The following CFAP54 variants were observed in gnomAD, a reference collection of about 807,000 sequenced individuals.
CFAP54 encodes the protein cilia and flagella associated protein 54.
Under a neutral mutation model 370.4 loss-of-function variants are expected in CFAP54, and 290 were observed. The ratio of observed to expected loss-of-function variants is 0.78; its 90% CI spans 0.71 to 0.86. The LOEUF is 0.86. Among genes scored for constraint, CFAP54 ranks in the 40% least tolerant of loss-of-function variants. The pLI is 0.00. For missense variants in CFAP54, 3,399 were observed against 3,528.7 expected, an observed-to-expected ratio of 0.96 and a Z score of 0.93; for synonymous variants, 1,206 against 1,236.5, an observed-to-expected ratio of 0.98 and a Z score of 0.52.
At chr12:96,723,218 A>C (rs1218123671) in intron 50 of CFAP54, among the ~76,000 whole-genome samples, 1 of 152,212 alleles carries the variant, frequency 6.6e-6, no homozygotes, top group African/African-American at 2.4e-5. Flanking sequence ...TTAAAAGTAC[A>C]GTATAACAAC....
intron 50 of CFAP54, among the ~76,000 whole-genome samples, chr12:96,729,952 AAG>A (rs1454438267): frequency 2.0e-5 from 3 of 152,130 alleles, no homozygotes; most frequent in Non-Finnish European, 4.4e-5. Flanking sequence ...GATAATGAAA[AAG>A]ACCCAGTACA....
intron 12 of CFAP54, among the ~76,000 whole-genome samples, chr12:96,536,965 G>GTTCAA (rs201895153): frequency 0.018 from 2,675 of 144,652 alleles, 65 homozygotes; most frequent in African/African-American, 0.063. Context: ...ATATGTCTTA[G>GTTCAA]TTCAATTCAA....
At chr12:96,805,709 C>G (rs1265679544) in intron 63 of CFAP54, among the ~76,000 whole-genome samples, 2 of 151,982 alleles carry the variant, frequency 1.3e-5, no homozygotes, top group Non-Finnish European at 2.9e-5. Flanking sequence ...AAAATTGAAC[C>G]ACCATTGGAT....
chr12:96,662,581 A>T lies in CFAP54; in HGVS notation c.5461-1249A>T, dbSNP rs151076081. On this transcript the variant is annotated intron_variant, in intron 38 of 67. Transcript: ENST00000524981. ...AGGTTCTGTCACACCTCTGTTTAAA[A>T]CCCTATGGTGGCTTCCCACCCTATT... is the stretch of plus-strand genomic sequence containing the variant. 2.6e-5 allele frequency among the ~76,000 whole-genome samples: 4 copies of T among 152,176 alleles called. No individual in the cohort carries two copies. The East Asian group carries it at 7.7e-4, about 29-fold the overall frequency.
chr12:96,570,523 A>G (rs1271213860), intron 19 of CFAP54, among the ~76,000 whole-genome samples: 1 of 152,124 alleles, frequency 6.6e-6, no homozygotes, highest in Non-Finnish European at 1.5e-5. Context: ...AACTTAGTTT[A>G]TTAAGACAAG....
chr12:96,817,844 T>C lies in CFAP54; in HGVS notation c.9027T>C (p.Pro3009=). The C allele has an allele frequency of 6.6e-7, 1 of 1,516,856 alleles. No homozygotes were observed. Among genetic ancestry groups the C allele is most frequent in the Non-Finnish European group, 8.8e-7 (1 of 1,135,694 alleles). 94.0% of individuals were successfully genotyped at this position (1,516,856 alleles called of 1,614,324 possible). ...QIAELSLPAA[P]EITSNENIYE... Reference sequence around the variant, plus strand: ...CTGAACTATCATTGCCAGCAGCTCCTGAAATTACCTCAAATGAAAACATAT... The same window carrying C: ...CTGAACTATCATTGCCAGCAGCTCCCGAAATTACCTCAAATGAAAACATAT... Residue 3009 remains proline, a synonymous_variant, in exon 65 of 68, where the codon CCT becomes CCC. Transcript: ENST00000524981.
intron 60 of CFAP54, among the ~76,000 whole-genome samples, chr12:96,773,557 A>G (rs1431155445): frequency 6.6e-6 from 1 of 152,256 alleles, no homozygotes; most frequent in Non-Finnish European, 1.5e-5. Flanking sequence ...AACCTGGTAT[A>G]TGCACTGATA....
Position 96,626,874 on chromosome 12 carries a change from C to T in CFAP54, c.4038C>T (p.Cys1346=). The stretch of plus-strand genomic sequence containing the variant: ...TCTTTACACAAGTTATGCTAAAATG[C>T]ATGAATGAGGAAAAATTTCATCTTA... ...LEFFTQVMLK[C]MNEEKFHLMV... is the part of the protein sequence containing the mutation. The change falls in exon 30 of 68, where the codon TGC becomes TGT. Residue 1346 remains cysteine (C), a synonymous_variant. Transcript: ENST00000524981. The T allele has an allele frequency of 2.1e-6, 3 of 1,429,668 alleles. No individual in the cohort carries two copies. Among genetic ancestry groups the T allele is most frequent in the Non-Finnish European group, 2.8e-6 (3 of 1,082,442 alleles). 88.6% of individuals were successfully genotyped at this position (1,429,668 alleles called of 1,614,324 possible).
Position 96,658,348 on chromosome 12 carries a change from TA to T in CFAP54, c.5460+4del. 1 of 1,610,248 alleles carries T rather than the reference TA, an allele frequency of 6.2e-7. No individual in the cohort carries two copies. The highest frequency in any genetic ancestry group is 8.5e-7 in the Non-Finnish European group (1 of 1,176,870). On this transcript the variant is annotated splice_donor_region_variant and intron_variant, in intron 38 of 67. Coordinates refer to ENST00000524981, the MANE Select transcript of CFAP54 (RefSeq NM_001306084.2). ...TATGAGGCTGAATATGGAGAGAAGGTAAGTTTAAGTTAGTTCTATTATTCAT... is the reference window on the plus strand; with the variant it reads ...TATGAGGCTGAATATGGAGAGAAGGTAGTTTAAGTTAGTTCTATTATTCAT...
chr12:96,826,501 A>G (rs1592789486), intron 65 of CFAP54, among the ~76,000 whole-genome samples: 1 of 108,798 alleles, frequency 9.2e-6, no homozygotes, highest in East Asian at 2.8e-4. Context: ...TATAATATAT[A>G]TCATGATATA....
chr12:96,538,549 T>C (rs766680551), intron 13 of CFAP54, 31 bp downstream of exon 13: 53 of 1,529,504 alleles, frequency 3.5e-5, no homozygotes, highest in Admixed American at 1.0e-4. Context: ...TTCACGTGTT[T>C]TTTTTGCTAT....
At chr12:96,722,722 T>C (rs1957772616) in intron 50 of CFAP54, among the ~76,000 whole-genome samples, 1 of 152,178 alleles carries the variant, frequency 6.6e-6, no homozygotes, top group African/African-American at 2.4e-5. Flanking sequence ...TTAAGGAGGC[T>C]ATTATAATAA....
At chr12:96,544,241 T>C (rs557669754) in intron 14 of CFAP54, among the ~76,000 whole-genome samples, 2 of 152,314 alleles carry the variant, frequency 1.3e-5, no homozygotes, top group South Asian at 4.1e-4. Flanking sequence ...TAGTTCTTAT[T>C]TCCTAAGTGA....
chr12:96,753,974 A>G lies in CFAP54; in HGVS notation c.7840+76A>G, dbSNP rs979929737. The G allele has an allele frequency of 2.0e-6, 3 of 1,467,916 alleles. No individual in the cohort carries two copies. In the African/African-American group the frequency reaches 4.2e-5, roughly 21 times the overall value. The allele number at this position is 1,467,916 out of a possible 1,614,324, so 90.9% of individuals were successfully genotyped here. A position where few individuals can be genotyped will look rare whatever the true frequency, so the allele number is the denominator to read the frequency against. On this transcript the variant is annotated intron_variant, in intron 56 of 67. Coordinates refer to ENST00000524981, the MANE Select transcript of CFAP54 (RefSeq NM_001306084.2). ...TTCTGTCAACAACAGGATTCTTGAA[A>G]ATCTGGTCCCTGACTATAAAAATTA... is the stretch of plus-strand genomic sequence containing the variant.
At chr12:96,697,677 T>C (rs148871470) in intron 45 of CFAP54, among the ~76,000 whole-genome samples, 3 of 152,322 alleles carry the variant, frequency 2.0e-5, no homozygotes, top group African/African-American at 7.2e-5. Flanking sequence ...TGGAGTTTTC[T>C]TTTCCTATGT....
intron 66 of CFAP54, among the ~76,000 whole-genome samples, chr12:96,847,643 C>T (rs1959397831): frequency 6.6e-6 from 1 of 152,192 alleles, no homozygotes; most frequent in East Asian, 1.9e-4. Flanking sequence ...CTGCAGTTTC[C>T]TGCAATATAT....
rs577354153 is a variant in CFAP54, at chr12:96,819,178, G to A, written c.9096+1265G>A. 2.6e-5 allele frequency among the ~76,000 whole-genome samples: 4 copies of A among 152,274 alleles called. No homozygotes were observed. The South Asian group carries it at 6.2e-4, about 24-fold the overall frequency. Reference sequence around the variant, plus strand: ...TATTCAGTATCGGTCATGAAAGATGGGGTAATGAAAAGCCTCCAAATCTGA... The same window carrying A: ...TATTCAGTATCGGTCATGAAAGATGAGGTAATGAAAAGCCTCCAAATCTGA... On this transcript the variant is annotated intron_variant, in intron 65 of 67. Coordinates refer to ENST00000524981, the MANE Select transcript of CFAP54 (RefSeq NM_001306084.2).
intron 4 of CFAP54, among the ~76,000 whole-genome samples, chr12:96,512,307 A>T (rs1451374844): frequency 1.2e-4 from 2 of 17,348 alleles, no homozygotes; most frequent in East Asian, 2.0e-3. Context: ...AATTTTATAT[A>T]TATATATATA....
chr12:96,803,765 T>C (rs1958848931), intron 63 of CFAP54, among the ~76,000 whole-genome samples: 1 of 152,046 alleles, frequency 6.6e-6, no homozygotes, highest in African/African-American at 2.4e-5. Flanking sequence ...AGCAATTTCA[T>C]AAAATTGGAA....
Sources: allele counts gnomAD v4.1 joint callset (sites outside exome capture counted in the v4.1 genomes callset), GRCh38; gene constraint gnomAD v4.1.1; transcripts MANE v1.5; gene names NCBI Gene and HGNC (gene_info 2026-07-23, HGNC 2026-07-21).